Variants in POLB observed in about 807,000 individuals in gnomAD.
POLB encodes 5'-dRP lyase.
In POLB, 37 loss-of-function variants were observed where a neutral mutation model predicts 52.7. The ratio of observed to expected loss-of-function variants is 0.70; its 90% CI spans 0.54 to 0.92. The LOEUF (loss-of-function observed/expected upper bound fraction) is 0.92, where lower values mean the gene tolerates loss of function less well. Ranked by LOEUF, POLB falls within the 40% of genes least tolerant of loss-of-function variation. The pLI is 0.00. For missense variants in POLB, 313 were observed against 400.8 expected, an observed-to-expected ratio of 0.78 and a Z score of 1.87; for synonymous variants, 138 against 131.3, an observed-to-expected ratio of 1.05 and a Z score of -0.35.
intron 2 of POLB, among the ~76,000 whole-genome samples, chr8:42,340,883 A>G (rs925686938): frequency 6.6e-6 from 1 of 152,212 alleles, no homozygotes; most frequent in Admixed American, 6.5e-5. Flanking sequence ...GAGATATTCA[A>G]CTTTGTATTC....
chr8:42,352,621 C>T (rs372133193), intron 6 of POLB, 53 bp downstream of exon 6: 8 of 1,025,000 alleles, frequency 7.8e-6, no homozygotes, highest in African/African-American at 6.3e-5. Flanking sequence ...CCTGAAGGAC[C>T]ATTAGTGCTC....
In POLB at chr8:42,355,683, T is replaced by C. The variant is rs529031286; in HGVS notation, c.422+116T>C. 10 of 638,590 alleles carry C rather than the reference T, an allele frequency of 1.6e-5. No homozygotes were observed. In the African/African-American group the frequency reaches 1.6e-4, roughly 11 times the overall value. The allele number at this position is 638,590 out of a possible 1,614,324, so 39.6% of individuals were successfully genotyped here. On this transcript the variant is annotated intron_variant, in intron 7 of 13. Transcript: ENST00000265421. ...TAGCTAAACCACAACCATTTTCCTA[T>C]TCAGAAGTGCTAAGATTTGTGGACT...
intron 2 of POLB, among the ~76,000 whole-genome samples, chr8:42,343,768 A>ATACTCAG: frequency 6.6e-6 from 1 of 152,268 alleles, no homozygotes; most frequent in Middle Eastern, 3.4e-3. Flanking sequence ...CTCAGTACAA[A>ATACTCAG]TCATACTCTT....
At chr8:42,348,733 A>G (rs1303133895) in intron 3 of POLB, among the ~76,000 whole-genome samples, 1 of 152,240 alleles carries the variant, frequency 6.6e-6, no homozygotes, top group Non-Finnish European at 1.5e-5. Context: ...TGCTAATTAA[A>G]TTATTATGCA....
chr8:42,343,812 A>G (rs1233654409), intron 2 of POLB, among the ~76,000 whole-genome samples: 1 of 152,140 alleles, frequency 6.6e-6, no homozygotes, highest in East Asian at 1.9e-4. Flanking sequence ...TTATTCTCAA[A>G]TGTGGAGCTT....
intron 11 of POLB, among the ~76,000 whole-genome samples, chr8:42,364,136 G>T (rs1393594794): frequency 6.6e-6 from 1 of 151,964 alleles, no homozygotes; most frequent in Non-Finnish European, 1.5e-5. Context: ...CATGTTGGCT[G>T]GGCTGGTCTC....
chr8:42,351,021 T>TG (rs1822948538), intron 5 of POLB, among the ~76,000 whole-genome samples: 1 of 152,104 alleles, frequency 6.6e-6, no homozygotes, highest in Non-Finnish European at 1.5e-5. Context: ...ACTACAGGCT[T>TG]GCGCAACCAT....
intron 2 of POLB, among the ~76,000 whole-genome samples, chr8:42,343,478 G>C (rs1194503821): frequency 6.8e-6 from 1 of 146,614 alleles, no homozygotes; most frequent in African/African-American, 2.5e-5. Context: ...AGTGAGTCAA[G>C]ATGGCGCCAC....
chr8:42,354,535 T>A, intron 6 of POLB: 3 of 1,084,474 alleles, frequency 2.8e-6, no homozygotes, highest in Non-Finnish European at 3.7e-6. Flanking sequence ...CAGTAATAAT[T>A]TTCCTTTCAA....
At chr8:42,348,451 ATG>A (rs1822767672) in intron 3 of POLB, among the ~76,000 whole-genome samples, 1 of 152,232 alleles carries the variant, frequency 6.6e-6, no homozygotes, top group Non-Finnish European at 1.5e-5. Flanking sequence ...CCATGTTGGA[ATG>A]TGCAGTTCCA....
chr8:42,352,715 A>T, intron 6 of POLB, 147 bp downstream of exon 6: 1 of 611,528 alleles, frequency 1.6e-6, no homozygotes, highest in East Asian at 2.7e-5. Flanking sequence ...AGTACAGTAG[A>T]TATAGGGTAT....
chr8:42,365,429 T>G (rs1823979519), intron 11 of POLB, among the ~76,000 whole-genome samples: 1 of 152,216 alleles, frequency 6.6e-6, no homozygotes, highest in Non-Finnish European at 1.5e-5. Flanking sequence ...TTTTCAAATT[T>G]AGGTGGATTT....
intron 13 of POLB, among the ~76,000 whole-genome samples, chr8:42,370,491 A>G (rs1824315014): frequency 6.6e-6 from 1 of 151,678 alleles, no homozygotes; most frequent in Non-Finnish European, 1.5e-5. Flanking sequence ...AGGAGAATGA[A>G]TTTTTGTCAT....
At chr8:42,349,191 A>G in intron 4 of POLB, 101 bp downstream of exon 4, 1 of 652,704 alleles carries the variant, frequency 1.5e-6, no homozygotes, top group South Asian at 1.9e-5. Context: ...CTGTAGTGAG[A>G]CTCACAGGAA....
chr8:42,346,576 T>G (rs1006696873), intron 3 of POLB, among the ~76,000 whole-genome samples: 1 of 151,890 alleles, frequency 6.6e-6, no homozygotes, highest in Non-Finnish European at 1.5e-5. Flanking sequence ...ATTTCTTTTG[T>G]AGAGATTGGA....
intron 6 of POLB, chr8:42,354,526 AG>A (rs1273857832): frequency 3.5e-6 from 4 of 1,140,498 alleles, no homozygotes; most frequent in Admixed American, 2.3e-5. Context: ...ATGCAGGTAC[AG>A]TAATAATTTT....
intron 2 of POLB, 149 bp from the exon 3 acceptor site, chr8:42,344,804 A>C: frequency 1.8e-6 from 1 of 562,836 alleles, no homozygotes; most frequent in Non-Finnish European, 3.2e-6. Flanking sequence ...ACAGAGGGAG[A>C]CTGTCTCAAA....
At chr8:42,363,077 C>T (rs55732399) in intron 11 of POLB, among the ~76,000 whole-genome samples, 6 of 150,404 alleles carry the variant, frequency 4.0e-5, no homozygotes, top group South Asian at 4.2e-4. Flanking sequence ...GAGCATAGAT[C>T]GTGCCACTGC....
chr8:42,349,152 C>T, intron 4 of POLB, 62 bp downstream of exon 4: 1 of 915,998 alleles, frequency 1.1e-6, no homozygotes, highest in Non-Finnish European at 1.8e-6. Context: ...CACTATGTAG[C>T]GTCATTGCAG....
Sources: gnomAD v4.1 joint callset for allele counts (sites outside exome capture counted in the v4.1 genomes callset) on GRCh38, gnomAD v4.1.1 for gene constraint, MANE v1.5 for transcripts, NCBI Gene and HGNC (gene_info 2026-07-23, HGNC 2026-07-21) for gene names.